Variants in SAMD12 observed in about 807,000 individuals in gnomAD.
SAMD12 encodes sterile alpha motif domain containing 12.
A neutral mutation model predicts 15.0 loss-of-function variants in SAMD12; 9 were observed. The ratio of observed to expected loss-of-function variants is 0.60; its 90% CI spans 0.36 to 1.05. The LOEUF (loss-of-function observed/expected upper bound fraction) is 1.05, where lower values mean the gene tolerates loss of function less well. Ranked by LOEUF, SAMD12 falls within the 50% of genes least tolerant of loss-of-function variation. The pLI, the probability that SAMD12 is intolerant of heterozygous loss-of-function variation, is 0.01. For synonymous variants in SAMD12, 86 were observed against 90.1 expected, an observed-to-expected ratio of 0.96 and a Z score of 0.25; for missense variants, 230 against 234.2, an observed-to-expected ratio of 0.98 and a Z score of 0.12.
intron 4 of SAMD12, among the ~76,000 whole-genome samples, chr8:118,351,188 A>G (rs1032622376): frequency 6.6e-6 from 1 of 152,220 alleles, no homozygotes; most frequent in African/African-American, 2.4e-5. Context: ...TACTAAGTAC[A>G]AGGAAGGCAT....
chr8:118,309,427 A>G (rs1355862648), intron 4 of SAMD12, among the ~76,000 whole-genome samples: 1 of 146,474 alleles, frequency 6.8e-6, no homozygotes, highest in Non-Finnish European at 1.5e-5. Context: ...ATCACATTTT[A>G]TTTATCCACT....
At chr8:118,470,703 C>T (rs547471103) in intron 2 of SAMD12, among the ~76,000 whole-genome samples, 7 of 152,284 alleles carry the variant, frequency 4.6e-5, no homozygotes, top group African/African-American at 1.4e-4. Flanking sequence ...AATGCTAACA[C>T]AGTGTCTCAC....
intron 2 of SAMD12, among the ~76,000 whole-genome samples, chr8:118,501,387 T>C (rs1010462068): frequency 1.3e-5 from 2 of 152,196 alleles, no homozygotes; most frequent in Non-Finnish European, 2.9e-5. Context: ...ATTTAGCCAT[T>C]CCACAATGTG....
At chr8:118,507,886 C>A (rs1206419521) in intron 2 of SAMD12, among the ~76,000 whole-genome samples, 1 of 152,052 alleles carries the variant, frequency 6.6e-6, no homozygotes, top group African/African-American at 2.4e-5. Context: ...GAACCAATCC[C>A]CAGTACCCTG....
the SAMD12 span, among the ~76,000 whole-genome samples, chr8:118,165,635 T>TGTGTATATATATATATATATAC: frequency 7.7e-6 from 1 of 129,430 alleles, no homozygotes; most frequent in South Asian, 2.5e-4. Context: ...TATATATATA[T>TGTGTATATATATATATATATAC]ACATATATAT....
chr8:118,284,015 A>C (rs530202581), intron 4 of SAMD12, among the ~76,000 whole-genome samples: 1 of 152,352 alleles, frequency 6.6e-6, no homozygotes, highest in South Asian at 2.1e-4. Context: ...TCATTTTCAA[A>C]GAGCAAAGAT....
rs117957968 is a variant in SAMD12 at position 118,345,603 on chromosome 8, G to A, written c.433+33957C>T. Among the ~76,000 whole-genome samples the A allele has an allele frequency of 4.0e-3, 616 of 152,340 alleles. 3 individuals are homozygous for A. Among genetic ancestry groups the A allele is most frequent in the Middle Eastern group, 0.017 (5 of 294 alleles). The stretch of plus-strand genomic sequence containing the variant: ...AATGAAGGCATGATGCAGCATAAGC[G>A]TGGGGTGTAGACAGTGAGGAAGACA... On this transcript the variant is annotated intron_variant, in intron 4 of 4. Coordinates refer to the SAMD12 transcript ENST00000409003.
At chr8:118,336,163 A>C (rs138576450) in intron 4 of SAMD12, among the ~76,000 whole-genome samples, 7 of 152,342 alleles carry the variant, frequency 4.6e-5, no homozygotes, top group African/African-American at 1.7e-4. Flanking sequence ...GTGACGGCAC[A>C]GATATTTGAA....
At chr8:118,187,429 CA>C (rs1819260387), downstream of SAMD12, among the ~76,000 whole-genome samples, 1 of 152,014 alleles carries the variant, frequency 6.6e-6, no homozygotes, top group African/African-American at 2.4e-5. Context: ...CAGCTCTTGG[CA>C]AAAAAGATCA....
At chr8:118,531,625 C>T (rs1586792200) in intron 2 of SAMD12, among the ~76,000 whole-genome samples, 1 of 152,172 alleles carries the variant, frequency 6.6e-6, no homozygotes, top group East Asian at 1.9e-4. Flanking sequence ...TTGTAATTCT[C>T]TTGAAGAGGT....
chr8:118,549,323 T>C (rs1826245369), intron 2 of SAMD12, among the ~76,000 whole-genome samples: 1 of 152,210 alleles, frequency 6.6e-6, no homozygotes, highest in Non-Finnish European at 1.5e-5. Flanking sequence ...GGTACTCCTC[T>C]GAGACAAAAC....
chr8:118,621,578 C>G, intron 1 of SAMD12: 2 of 591,972 alleles, frequency 3.4e-6, no homozygotes, highest in Non-Finnish European at 6.1e-6. Context: ...CACCTCCTAC[C>G]TCAAAGTCCT....
At chr8:118,449,626 C>T (rs1041461206) in intron 2 of SAMD12, among the ~76,000 whole-genome samples, 1 of 151,018 alleles carries the variant, frequency 6.6e-6, no homozygotes, top group East Asian at 2.0e-4. Flanking sequence ...AATGAAACCC[C>T]GTCTCTACTA....
At chr8:118,498,946 C>T (rs1586765625) in intron 2 of SAMD12, among the ~76,000 whole-genome samples, 1 of 152,194 alleles carries the variant, frequency 6.6e-6, no homozygotes, top group Admixed American at 6.5e-5. Context: ...GTTCACTTTA[C>T]ACCCCCTGCA....
the SAMD12 span, among the ~76,000 whole-genome samples, chr8:118,176,334 A>C: frequency 6.6e-6 from 1 of 152,070 alleles, no homozygotes; most frequent in Non-Finnish European, 1.5e-5. Context: ...AAAGAATATA[A>C]ATTGTTCTAT....
At chr8:118,551,143 C>T (rs915587860) in intron 2 of SAMD12, among the ~76,000 whole-genome samples, 2 of 152,148 alleles carry the variant, frequency 1.3e-5, no homozygotes, top group Non-Finnish European at 2.9e-5. Context: ...CAAGGATACC[C>T]AGGAATGGAA....
chr8:118,464,533 G>C (rs1313187941), intron 2 of SAMD12, among the ~76,000 whole-genome samples: 1 of 152,168 alleles, frequency 6.6e-6, no homozygotes, highest in Non-Finnish European at 1.5e-5. Context: ...AACCTAACCA[G>C]TGGAATGCTG....
chr8:118,314,149 T>A (rs1815763592), intron 4 of SAMD12, among the ~76,000 whole-genome samples: 1 of 152,200 alleles, frequency 6.6e-6, no homozygotes, highest in East Asian at 1.9e-4. Flanking sequence ...ATTTTTTCTG[T>A]ATCTGCTAAA....
intron 2 of SAMD12, among the ~76,000 whole-genome samples, chr8:118,573,370 G>A (rs1303933490): frequency 6.6e-6 from 1 of 152,226 alleles, no homozygotes; most frequent in Non-Finnish European, 1.5e-5. Flanking sequence ...ACAGGCATAA[G>A]CCACTGCGCC....
Sources: allele counts gnomAD v4.1 joint callset (sites outside exome capture counted in the v4.1 genomes callset), GRCh38; gene constraint gnomAD v4.1.1; transcripts MANE v1.5; gene names NCBI Gene and HGNC (gene_info 2026-07-23, HGNC 2026-07-21).